Variants in PCDHA6 observed in about 807,000 individuals in gnomAD.
PCDHA6 encodes protocadherin alpha-6.
In PCDHA6, 55 loss-of-function variants were observed where a neutral mutation model predicts 60.3. The ratio of observed to expected loss-of-function variants is 0.91; its 90% CI spans 0.73 to 1.14. The LOEUF (loss-of-function observed/expected upper bound fraction) is 1.14, where lower values mean the gene tolerates loss of function less well. PCDHA6 is among the 50% of genes most tolerant of loss of function. PCDHA6 has a pLI of 0.00. For missense variants in PCDHA6, 1,327 were observed against 1,256.5 expected, an observed-to-expected ratio of 1.06 and a Z score of -0.85; for synonymous variants, 652 against 557.9, an observed-to-expected ratio of 1.17 and a Z score of -2.38.
Position 140,883,341 on chromosome 5 carries a change from C to A in PCDHA6, c.2394+52856C>A, listed in dbSNP as rs144000682. The A allele has an allele frequency of 4.3e-5, 70 of 1,614,144 alleles. No homozygotes were observed. The African/African-American group carries it at 9.1e-4, about 21-fold the overall frequency. The stretch of plus-strand genomic sequence containing the variant: ...GTTACCATCACTTCTTTGTCACTCC[C>A]CATCAGAGAAGACACTCAGCCTAGC... On this transcript the variant is annotated intron_variant, in intron 1 of 3. Transcript: ENST00000529310.
chr5:140,979,048 C>T, intron 2 of PCDHA6, 41 bp downstream of exon 2: 2 of 1,611,774 alleles, frequency 1.2e-6, no homozygotes, highest in East Asian at 2.2e-5. Context: ...GTAACCTTAA[C>T]TTGGTATGGC....
chr5:140,857,527 G>T (rs147361555), intron 1 of PCDHA6: 13 of 1,597,684 alleles, frequency 8.1e-6, no homozygotes, highest in Non-Finnish European at 1.1e-5. Flanking sequence ...CCTACTCTCT[G>T]GTGGAGCGGC....
intron 1 of PCDHA6, chr5:140,842,311 G>A: frequency 6.2e-7 from 1 of 1,608,842 alleles, no homozygotes; most frequent in Non-Finnish European, 8.5e-7. Context: ...ATCCTCCCAT[G>A]GCGGGTCATT....
intron 3 of PCDHA6, among the ~76,000 whole-genome samples, chr5:140,994,367 G>C (rs2097617491): frequency 6.6e-6 from 1 of 152,110 alleles, no homozygotes; most frequent in African/African-American, 2.4e-5. Context: ...AGATGGAATT[G>C]GAAATTCAGG....
chr5:140,966,765 C>G (rs2096051420), intron 1 of PCDHA6: 7 of 1,482,914 alleles, frequency 4.7e-6, no homozygotes, highest in Non-Finnish European at 6.3e-6. Context: ...CGGCCAGTGG[C>G]TATGGAGCAG....
At chr5:140,897,694 G>A (rs1091552) in intron 1 of PCDHA6, among the ~76,000 whole-genome samples, 2,266 of 152,206 alleles carry the variant, frequency 0.015, 53 homozygotes, top group African/African-American at 0.052. Context: ...AGTCCTTTGG[G>A]CATATACCCA....
chr5:140,893,388 CATG>C (rs2063965035), intron 1 of PCDHA6, among the ~76,000 whole-genome samples: 1 of 152,132 alleles, frequency 6.6e-6, no homozygotes, highest in South Asian at 2.1e-4. Context: ...GACAGTGGCT[CATG>C]CCTGTAATCC....
intron 3 of PCDHA6, among the ~76,000 whole-genome samples, chr5:140,995,128 C>T (rs2097665772): frequency 6.6e-6 from 1 of 152,146 alleles, no homozygotes; most frequent in African/African-American, 2.4e-5. Context: ...ATGCCTGAAA[C>T]CTCATTTAGT....
In PCDHA6 at chr5:140,884,465, G is replaced by A. The variant is rs782791774; in HGVS notation, c.2394+53980G>A. 8.1e-6 allele frequency: 13 copies of A among 1,613,634 alleles called. No homozygotes were observed. In the South Asian group the frequency reaches 9.9e-5, roughly 12 times the overall value. ...GGCACCGCCCACCGAGGGCGCGTGCGCGCCGGGCAAGCCCACTCTAGTGTG... is the reference window on the plus strand; with the variant it reads ...GGCACCGCCCACCGAGGGCGCGTGCACGCCGGGCAAGCCCACTCTAGTGTG... On this transcript the variant is annotated intron_variant, in intron 1 of 3. Coordinates refer to ENST00000529310, the MANE Select transcript of PCDHA6 (RefSeq NM_018909.4).
intron 1 of PCDHA6, among the ~76,000 whole-genome samples, chr5:140,888,729 T>G (rs1214867910): frequency 6.6e-6 from 1 of 152,156 alleles, no homozygotes; most frequent in Admixed American, 6.5e-5. Context: ...CAGCCCTTTG[T>G]GAGCTCTAGG....
At chr5:140,874,217 A>G (rs2054785474) in intron 1 of PCDHA6, among the ~76,000 whole-genome samples, 1 of 152,214 alleles carries the variant, frequency 6.6e-6, no homozygotes, top group African/African-American at 2.4e-5. Flanking sequence ...TATTATATGC[A>G]GTAGGAATGA....
At chr5:140,933,863 A>G (rs2089469278) in intron 1 of PCDHA6, among the ~76,000 whole-genome samples, 1 of 151,666 alleles carries the variant, frequency 6.6e-6, no homozygotes, top group Non-Finnish European at 1.5e-5. Context: ...ATTTTTTCAG[A>G]TATATGTTAG....
chr5:140,992,576 G>T (rs992150186), intron 3 of PCDHA6, among the ~76,000 whole-genome samples: 4 of 152,172 alleles, frequency 2.6e-5, no homozygotes, highest in Admixed American at 2.0e-4. Flanking sequence ...CATATTGCCT[G>T]CCTTGTATGC....
Position 140,872,661 on chromosome 5 carries a change from T to G in PCDHA6, c.2394+42176T>G, listed in dbSNP as rs544432969. Among the ~76,000 whole-genome samples the G allele has an allele frequency of 2.0e-5, 3 of 152,284 alleles. No individual in the cohort carries two copies. In the East Asian group the frequency reaches 5.8e-4, roughly 29 times the overall value. ...ATGAAAAGGCAAGAGATTTGTCAAC[T>G]ATTGGATACTCAAACAAAATGGCAT... On this transcript the variant is annotated intron_variant, in intron 1 of 3. Transcript: ENST00000529310.
intron 3 of PCDHA6, among the ~76,000 whole-genome samples, chr5:140,991,401 T>C (rs1271447254): frequency 6.6e-6 from 1 of 152,218 alleles, no homozygotes; most frequent in Non-Finnish European, 1.5e-5. Context: ...TGTATTTATT[T>C]CCCATTATGC....
rs782304851 is a variant in PCDHA6 at position 140,856,941 on chromosome 5, C to T, written c.2394+26456C>T. ...AGGAAATTTTGGATAAACGAAAGGA[C>T]GGGAGAAATAAAAGTAAATGATGCT... On this transcript the variant is annotated intron_variant, in intron 1 of 3. Coordinates refer to ENST00000529310, the MANE Select transcript of PCDHA6 (RefSeq NM_018909.4). The T allele has an allele frequency of 1.9e-6, 3 of 1,592,588 alleles. No homozygotes were observed. Among genetic ancestry groups the T allele is most frequent in the Admixed American group, 3.4e-5 (2 of 59,186 alleles).
chr5:140,838,091 T>A, intron 1 of PCDHA6, among the ~76,000 whole-genome samples: 1 of 139,550 alleles, frequency 7.2e-6, no homozygotes, highest in African/African-American at 2.7e-5. Context: ...TGTGTGTGTG[T>A]GTGTGTGTGT....
intron 1 of PCDHA6, chr5:140,841,873 A>T: frequency 6.2e-7 from 1 of 1,613,866 alleles, no homozygotes; most frequent in Non-Finnish European, 8.5e-7. Context: ...ATGTGAATTC[A>T]AAGAACGATG....
At chr5:141,002,565 G>A (rs782803550) in intron 3 of PCDHA6, among the ~76,000 whole-genome samples, 9 of 152,196 alleles carry the variant, frequency 5.9e-5, no homozygotes, top group Non-Finnish European at 2.9e-5. Flanking sequence ...ACCAGTTAGT[G>A]ACCATGTGAC....
Sources: gnomAD v4.1 joint callset for allele counts (sites outside exome capture counted in the v4.1 genomes callset) on GRCh38, gnomAD v4.1.1 for gene constraint, MANE v1.5 for transcripts, NCBI Gene and HGNC (gene_info 2026-07-23, HGNC 2026-07-21) for gene names.